Variants in MARCHF1 observed in about 807,000 individuals in gnomAD.
The protein encoded by MARCHF1 is E3 ubiquitin-protein ligase MARCHF1.
Under a neutral mutation model 54.2 loss-of-function variants are expected in MARCHF1, and 40 were observed. That is an observed-to-expected ratio of 0.74 (90% CI 0.57 to 0.96). The LOEUF (loss-of-function observed/expected upper bound fraction) is 0.96, where lower values mean the gene tolerates loss of function less well. Ranked by LOEUF, MARCHF1 falls within the 40% of genes least tolerant of loss-of-function variation. The pLI, the probability that MARCHF1 is intolerant of heterozygous loss-of-function variation, is 0.00. For missense variants in MARCHF1, 586 were observed against 656.5 expected, an observed-to-expected ratio of 0.89 and a Z score of 1.17; for synonymous variants, 236 against 236.3, an observed-to-expected ratio of 1.00 and a Z score of 0.01.
intron 4 of MARCHF1, among the ~76,000 whole-genome samples, chr4:163,810,671 T>C (rs1266074530): frequency 6.6e-6 from 1 of 152,266 alleles, no homozygotes; most frequent in African/African-American, 2.4e-5. Flanking sequence ...TGTTTAAATT[T>C]AAAATTAAGA....
intron 2 of MARCHF1, among the ~76,000 whole-genome samples, chr4:164,022,443 C>T (rs150270598): frequency 6.6e-6 from 1 of 152,118 alleles, no homozygotes; most frequent in Admixed American, 6.5e-5. Flanking sequence ...AGAAAGAAAG[C>T]TGAAAACCAC....
intron 1 of MARCHF1, among the ~76,000 whole-genome samples, chr4:164,360,295 G>C (rs181716993): frequency 7.1e-4 from 108 of 152,248 alleles, no homozygotes; most frequent in African/African-American, 2.3e-3. Context: ...CCCAGGTACA[G>C]TGGTCTCTTA....
At chr4:163,775,808 C>G (rs1401760044) in intron 4 of MARCHF1, among the ~76,000 whole-genome samples, 6 of 151,980 alleles carry the variant, frequency 3.9e-5, no homozygotes, top group Non-Finnish European at 7.4e-5. Context: ...AAAGAGCAGA[C>G]CAGAAATGTG....
At chr4:164,271,050 C>T (rs1049538151) in intron 1 of MARCHF1, among the ~76,000 whole-genome samples, 2 of 152,100 alleles carry the variant, frequency 1.3e-5, no homozygotes, top group African/African-American at 4.8e-5. Context: ...AAAAACAATG[C>T]TTACATAAAA....
Position 164,224,659 on chromosome 4 carries a change from C to T in MARCHF1, c.-322-112997G>A, listed in dbSNP as rs181544121. The stretch of plus-strand genomic sequence containing the variant: ...CAAAACCTAAGACATTACCTTAATG[C>T]TTTATATAAGAGAGCTGGCTCAGCA... On this transcript the variant is annotated intron_variant, in intron 1 of 9. Transcript: ENST00000514618. 1.4e-3 allele frequency among the ~76,000 whole-genome samples: 219 copies of T among 151,978 alleles called. 1 individual carries two copies. The highest frequency in any genetic ancestry group is 4.3e-3 in the Admixed American group (65 of 15,226).
intron 1 of MARCHF1, among the ~76,000 whole-genome samples, chr4:164,307,224 GA>G (rs1383662031): frequency 6.6e-6 from 1 of 152,236 alleles, no homozygotes; most frequent in African/African-American, 2.4e-5. Context: ...AAGAATAGGG[GA>G]AAACAGACTT....
At chr4:164,222,647 A>G (rs1281500871) in intron 1 of MARCHF1, among the ~76,000 whole-genome samples, 1 of 151,168 alleles carries the variant, frequency 6.6e-6, no homozygotes, top group African/African-American at 2.4e-5. Flanking sequence ...GGAACCAGGA[A>G]GAGAGAGAGA....
chr4:164,321,135 CAGAG>C (rs1287692841), intron 1 of MARCHF1, among the ~76,000 whole-genome samples: 2 of 151,980 alleles, frequency 1.3e-5, no homozygotes, highest in African/African-American at 4.8e-5. Context: ...CAATAACTGA[CAGAG>C]AGAGAGAAAG....
chr4:163,907,877 C>T (rs1038408714), intron 3 of MARCHF1, among the ~76,000 whole-genome samples: 2 of 152,082 alleles, frequency 1.3e-5, no homozygotes, highest in African/African-American at 4.8e-5. Context: ...ATGACTCCCC[C>T]ATTATATTTC....
At chr4:164,083,218 T>C (rs765991949) in intron 2 of MARCHF1, among the ~76,000 whole-genome samples, 8 of 152,110 alleles carry the variant, frequency 5.3e-5, no homozygotes, top group Non-Finnish European at 1.2e-4. Flanking sequence ...TTTTTGGCTA[T>C]GGTCTCTGCG....
chr4:163,614,465 G>T (rs577347667), intron 5 of MARCHF1, among the ~76,000 whole-genome samples: 2 of 151,930 alleles, frequency 1.3e-5, no homozygotes, highest in African/African-American at 4.8e-5. Flanking sequence ...AGGCCTGTTT[G>T]ACTGCAGAGA....
At chr4:163,565,271 T>C (rs1019191347) in intron 8 of MARCHF1, among the ~76,000 whole-genome samples, 3 of 152,232 alleles carry the variant, frequency 2.0e-5, no homozygotes, top group Non-Finnish European at 4.4e-5. Context: ...TGCCAAATTC[T>C]TTCACTGTAA....
At chr4:163,958,396 T>TCGTGG (rs2110802995) in intron 3 of MARCHF1, among the ~76,000 whole-genome samples, 1 of 152,178 alleles carries the variant, frequency 6.6e-6, no homozygotes, top group East Asian at 1.9e-4. Flanking sequence ...TCCCAATGGA[T>TCGTGG]ATTCAGTGTC....
chr4:163,736,883 CT>C (rs1460140696), intron 4 of MARCHF1, among the ~76,000 whole-genome samples: 1 of 152,082 alleles, frequency 6.6e-6, no homozygotes, highest in Admixed American at 6.6e-5. Context: ...TGTCTTCATA[CT>C]TTTTAAATTC....
At chr4:163,774,740 C>T (rs769494167) in intron 4 of MARCHF1, among the ~76,000 whole-genome samples, 7 of 152,136 alleles carry the variant, frequency 4.6e-5, no homozygotes, top group Non-Finnish European at 8.8e-5. Flanking sequence ...AAATGATTCA[C>T]CCACCTCAGC....
rs140956934 is a variant in MARCHF1 at position 164,358,901 on chromosome 4, C to T, written c.-323+24969G>A. ...ATGAAAACATAAAAATGTTAAAAGACGCTCCAAAGGTCATTTTTTCATGTA... is the reference window on the plus strand; with the variant it reads ...ATGAAAACATAAAAATGTTAAAAGATGCTCCAAAGGTCATTTTTTCATGTA... On this transcript the variant is annotated intron_variant, in intron 1 of 9. Coordinates refer to ENST00000514618, the MANE Select transcript of MARCHF1 (RefSeq NM_001394959.1). Among the ~76,000 whole-genome samples the T allele has an allele frequency of 4.1e-3, 626 of 152,078 alleles. 16 individuals are homozygous for T. The highest frequency in any genetic ancestry group is 0.033 in the Admixed American group (504 of 15,272).
intron 5 of MARCHF1, among the ~76,000 whole-genome samples, chr4:163,662,730 G>A (rs1428054102): frequency 1.3e-5 from 2 of 151,954 alleles, no homozygotes; most frequent in African/African-American, 2.4e-5. Flanking sequence ...AGGGTACTCA[G>A]GCCGGATTGT....
At chr4:164,295,067 A>G (rs1370843815) in intron 1 of MARCHF1, among the ~76,000 whole-genome samples, 2 of 152,046 alleles carry the variant, frequency 1.3e-5, no homozygotes, top group Non-Finnish European at 2.9e-5. Context: ...GGGAGCCCTC[A>G]TAATGAAATA....
intron 4 of MARCHF1, among the ~76,000 whole-genome samples, chr4:163,837,479 TAAC>T (rs1264775024): frequency 1.3e-5 from 2 of 152,164 alleles, no homozygotes; most frequent in Non-Finnish European, 2.9e-5. Context: ...AAAAATGTGT[TAAC>T]AACATGAAAA....
Sources: allele counts gnomAD v4.1 joint callset (sites outside exome capture counted in the v4.1 genomes callset), GRCh38; gene constraint gnomAD v4.1.1; transcripts MANE v1.5; gene names NCBI Gene and HGNC (gene_info 2026-07-23, HGNC 2026-07-21).